Variants in B3GAT2 observed in about 807,000 individuals in gnomAD.
B3GAT2 encodes galactosylgalactosylxylosylprotein 3-beta-glucuronosyltransferase 2.
Under a neutral mutation model 27.8 loss-of-function variants are expected in B3GAT2, and 26 were observed. That is an observed-to-expected ratio of 0.93 (90% CI 0.68 to 1.30). The LOEUF is 1.30. B3GAT2 is among the 50% of genes most tolerant of loss of function. B3GAT2 has a pLI of 0.00. For missense variants in B3GAT2, 458 were observed against 459.0 expected (o/e 1.00, Z 0.02); for synonymous variants, 218 against 195.1 (o/e 1.12, Z -0.98).
chr6:70,921,149 C>T (rs1432667971), intron 1 of B3GAT2, among the ~76,000 whole-genome samples: 1 of 152,034 alleles, frequency 6.6e-6, no homozygotes, highest in Admixed American at 6.6e-5. Context: ...TTCTGCATTT[C>T]CTGAATTTGA....
intron 1 of B3GAT2, among the ~76,000 whole-genome samples, chr6:70,906,887 T>C (rs1464461924): frequency 6.6e-6 from 1 of 151,638 alleles, no homozygotes; most frequent in Non-Finnish European, 1.5e-5. Flanking sequence ...CAAAGGTGAG[T>C]GAAAAATCAA....
chr6:70,893,014 C>T (rs1385386111), intron 2 of B3GAT2, among the ~76,000 whole-genome samples: 1 of 152,146 alleles, frequency 6.6e-6, no homozygotes, highest in Non-Finnish European at 1.5e-5. Context: ...GAGACATGGC[C>T]TGGCTGAGGG....
intron 1 of B3GAT2, among the ~76,000 whole-genome samples, chr6:70,952,808 T>G (rs1765597117): frequency 6.6e-6 from 1 of 152,232 alleles, no homozygotes; most frequent in African/African-American, 2.4e-5. Flanking sequence ...ATGCAAATAT[T>G]TCTTTCCTGG....
intron 1 of B3GAT2, among the ~76,000 whole-genome samples, chr6:70,901,450 T>C (rs1052541363): frequency 6.6e-6 from 1 of 152,152 alleles, no homozygotes; most frequent in African/African-American, 2.4e-5. Flanking sequence ...GAAAGAAGCA[T>C]TCAAATAAGA....
rs561752414 is a variant in B3GAT2 at position 70,950,675 on chromosome 6, G to A, written c.591+5164C>T. ...AGGTAAACAACTATATTACCGTCAG[G>A]TTGCATTTGTTTAAGTCCTCTGTAC... On this transcript the variant is annotated intron_variant, in intron 1 of 3. Transcript: ENST00000230053. Among the ~76,000 whole-genome samples the A allele has an allele frequency of 3.9e-5, 6 of 152,254 alleles. No individual in the cohort carries two copies. The South Asian group carries it at 1.2e-3, about 32-fold the overall frequency.
chr6:70,894,178 C>A lies in B3GAT2; in HGVS notation c.686G>T (p.Gly229Val). The change falls in exon 2 of 4, where the codon GGC becomes GTC. Residue 229 changes from glycine (G) to valine (V), a missense_variant. By Grantham distance (109) the Gly-to-Val change is moderately radical (BLOSUM62 -3). Transcript: ENST00000230053. ...GTCTGCTCTCCAGCCGGTGTACCAG[C>A]CAACAACTTTGCCGTTTTCCACCAG... ...RPLVENGKVV[G>V]WYTGWRADRP... is the part of the protein sequence containing the mutation. 6.2e-7 allele frequency: 1 copy of A among 1,613,692 alleles called. No homozygotes were observed. Among genetic ancestry groups the A allele is most frequent in the East Asian group, 2.2e-5 (1 of 44,882 alleles).
At chr6:70,896,629 T>A (rs889001339) in intron 1 of B3GAT2, among the ~76,000 whole-genome samples, 2 of 152,206 alleles carry the variant, frequency 1.3e-5, no homozygotes, top group Non-Finnish European at 2.9e-5. Flanking sequence ...TTTGTATGAA[T>A]GTAATAATTC....
intron 2 of B3GAT2, among the ~76,000 whole-genome samples, chr6:70,875,855 A>C (rs956693957): frequency 1.3e-5 from 2 of 152,244 alleles, no homozygotes; most frequent in Non-Finnish European, 2.9e-5. Flanking sequence ...TTAATCTATA[A>C]ACAATTCATT....
chr6:70,901,142 C>T (rs1447960560), intron 1 of B3GAT2, among the ~76,000 whole-genome samples: 1 of 152,194 alleles, frequency 6.6e-6, no homozygotes, highest in Non-Finnish European at 1.5e-5. Context: ...ACACCTATAA[C>T]TTTCCTTTGG....
At chr6:70,872,718 TTTTTGAAGTTTG>T (rs1477982555) in intron 2 of B3GAT2, among the ~76,000 whole-genome samples, 1 of 151,980 alleles carries the variant, frequency 6.6e-6, no homozygotes, top group Non-Finnish European at 1.5e-5. Context: ...TACATTTGTC[TTTTTGAAGTTTG>T]TTTTCTACAT....
chr6:70,901,579 T>A (rs543494050), intron 1 of B3GAT2, among the ~76,000 whole-genome samples: 4 of 152,350 alleles, frequency 2.6e-5, no homozygotes, highest in South Asian at 4.1e-4. Flanking sequence ...GGTGAATTTG[T>A]GTACATTTGA....
At position 70,857,971 on chromosome 6, in the gene B3GAT2, T is replaced by C; in HGVS notation, c.*3692A>G. The stretch of plus-strand genomic sequence containing the variant: ...TACCATTTACCTCACAAGCACCAGC[T>C]GCATTTCAGGGCTTTCCATCGATGG... On this transcript the variant is annotated 3_prime_UTR_variant, in exon 4 of 4. Coordinates refer to ENST00000230053, the MANE Select transcript of B3GAT2 (RefSeq NM_080742.3). 9 of 1,614,164 alleles carry C rather than the reference T, an allele frequency of 5.6e-6. No individual in the cohort carries two copies. The highest frequency in any genetic ancestry group is 6.8e-6 in the Non-Finnish European group (8 of 1,180,006).
chr6:70,905,197 A>C (rs1167994263), intron 1 of B3GAT2, among the ~76,000 whole-genome samples: 1 of 152,152 alleles, frequency 6.6e-6, no homozygotes, highest in Non-Finnish European at 1.5e-5. Context: ...CTAGGAGTAT[A>C]ATTATTGTGT....
chr6:70,946,648 C>T (rs1228498931), intron 1 of B3GAT2, among the ~76,000 whole-genome samples: 1 of 152,120 alleles, frequency 6.6e-6, no homozygotes, highest in African/African-American at 2.4e-5. Flanking sequence ...TTTAACACCC[C>T]ACTGTCAACA....
At chr6:70,918,915 G>T (rs1411245896) in intron 1 of B3GAT2, among the ~76,000 whole-genome samples, 4 of 152,142 alleles carry the variant, frequency 2.6e-5, no homozygotes, top group Admixed American at 2.6e-4. Flanking sequence ...GGTGTTCTCT[G>T]TATTTCCTGA....
chr6:70,898,925 T>G (rs1354997368), intron 1 of B3GAT2, among the ~76,000 whole-genome samples: 1 of 151,878 alleles, frequency 6.6e-6, no homozygotes, highest in Non-Finnish European at 1.5e-5. Context: ...ATTGCACCAC[T>G]GCACTCTGGC....
intron 2 of B3GAT2, among the ~76,000 whole-genome samples, chr6:70,869,092 G>T (rs1181847971): frequency 6.6e-6 from 1 of 152,070 alleles, no homozygotes; most frequent in Non-Finnish European, 1.5e-5. Flanking sequence ...AAAATCAACT[G>T]ACCATAAATG....
intron 1 of B3GAT2, among the ~76,000 whole-genome samples, chr6:70,953,657 T>G (rs1765607831): frequency 6.6e-6 from 1 of 152,226 alleles, no homozygotes; most frequent in Non-Finnish European, 1.5e-5. Flanking sequence ...ATAAACCTGT[T>G]GTATTTTTTG....
At chr6:70,896,356 A>G (rs140414499) in intron 1 of B3GAT2, among the ~76,000 whole-genome samples, 14 of 152,230 alleles carry the variant, frequency 9.2e-5, no homozygotes, top group Non-Finnish European at 1.6e-4. Context: ...GTCCTAGTAA[A>G]CCACCAAACA....
Sources: gnomAD v4.1 joint callset for allele counts (sites outside exome capture counted in the v4.1 genomes callset) on GRCh38, gnomAD v4.1.1 for gene constraint, MANE v1.5 for transcripts, NCBI Gene and HGNC (gene_info 2026-07-23, HGNC 2026-07-21) for gene names.